The following FERMT2 variants were observed in gnomAD, a reference collection of about 807,000 sequenced individuals.
The protein encoded by FERMT2 is FERM domain containing kindlin 2.
FERMT2 carries 15 observed loss-of-function variants against 82.7 expected under a neutral mutation model. The observed-to-expected ratio is 0.18, with a 90% CI of 0.12 to 0.28. The LOEUF is 0.28. Among genes scored for constraint, FERMT2 ranks in the 10% least tolerant of loss-of-function variants. FERMT2 has a pLI of 1.00. For missense variants in FERMT2, 645 were observed against 809.4 expected (o/e 0.80, Z 2.46); for synonymous variants, 274 against 271.5 (o/e 1.01, Z -0.09).
intron 4 of FERMT2, among the ~76,000 whole-genome samples, chr14:52,882,140 C>T (rs1594944769): frequency 2.0e-5 from 3 of 152,226 alleles, no homozygotes; most frequent in East Asian, 1.9e-4. Context: ...CACAATAGAA[C>T]TGAATTCATA....
intron 4 of FERMT2, among the ~76,000 whole-genome samples, chr14:52,884,589 G>A (rs1413472594): frequency 2.0e-5 from 3 of 150,704 alleles, no homozygotes; most frequent in Non-Finnish European, 4.4e-5. Flanking sequence ...TGACAAGAGC[G>A]AAACTCCGTC....
intron 13 of FERMT2, 106 bp from the exon 14 acceptor site, chr14:52,859,820 C>CTT (rs1318328371): frequency 3.4e-3 from 1,479 of 431,874 alleles, no homozygotes; most frequent in South Asian, 5.1e-3. Flanking sequence ...GAGTACTATT[C>CTT]TTTTTTTTTT....
chr14:52,886,965 TATC>T (rs983624937), intron 4 of FERMT2, among the ~76,000 whole-genome samples: 19 of 152,322 alleles, frequency 1.2e-4, no homozygotes, highest in South Asian at 6.2e-4. Context: ...CATCAGTATG[TATC>T]ATCAAGTGAG....
At chr14:52,919,465 C>G in intron 2 of FERMT2, 109 bp from the exon 3 acceptor site, 1 of 543,888 alleles carries the variant, frequency 1.8e-6, no homozygotes, top group East Asian at 3.7e-5. Context: ...TAATTAACTA[C>G]TAAGTTACTG....
At chr14:52,906,364 G>A (rs1888012490) in intron 3 of FERMT2, among the ~76,000 whole-genome samples, 1 of 152,222 alleles carries the variant, frequency 6.6e-6, no homozygotes, top group African/African-American at 2.4e-5. Flanking sequence ...TATGACCTCA[G>A]TAATGAGGCT....
At chr14:52,921,697 G>A (rs1888965590) in intron 2 of FERMT2, among the ~76,000 whole-genome samples, 1 of 152,084 alleles carries the variant, frequency 6.6e-6, no homozygotes. Context: ...TATATAGGCT[G>A]AGCCTCCCTA....
intron 3 of FERMT2, among the ~76,000 whole-genome samples, chr14:52,902,868 C>CAAAAAAAAAAAAAAAAAAAAAAAAAAAAA (rs1252336097): frequency 1.8e-4 from 1 of 5,544 alleles, no homozygotes; most frequent in African/African-American, 5.8e-4. Context: ...GACTCCGTCT[C>CAAAAAAAAAAAAAAAAAAAAAAAAAAAAA]AAAAAAAAAA....
At chr14:52,862,725 A>T (rs1316299784) in intron 12 of FERMT2, 2 of 152,190 alleles carry the variant, frequency 1.3e-5, no homozygotes, top group Admixed American at 1.3e-4. Flanking sequence ...AGTGAGAGAA[A>T]GGAGGGTTAA....
intron 13 of FERMT2, 53 bp from the exon 14 acceptor site, chr14:52,859,767 G>T: frequency 8.9e-7 from 1 of 1,125,120 alleles, no homozygotes; most frequent in Non-Finnish European, 1.3e-6. Flanking sequence ...GGAACATGTT[G>T]GACTGCTTTT....
At chr14:52,935,596 C>A (rs944806282) in intron 2 of FERMT2, among the ~76,000 whole-genome samples, 2 of 152,176 alleles carry the variant, frequency 1.3e-5, no homozygotes, top group Admixed American at 6.6e-5. Flanking sequence ...GGAAACCAAC[C>A]ATGCTGACAT....
At chr14:52,900,472 C>A (rs567575481) in intron 3 of FERMT2, among the ~76,000 whole-genome samples, 1 of 151,850 alleles carries the variant, frequency 6.6e-6, no homozygotes, top group African/African-American at 2.4e-5. Flanking sequence ...ATATTGAATA[C>A]GTGCATTTAT....
At chr14:52,950,358 C>G (rs1003611746) in intron 2 of FERMT2, 54 bp downstream of exon 2, 3 of 1,577,264 alleles carry the variant, frequency 1.9e-6, no homozygotes, top group Non-Finnish European at 2.6e-6. Flanking sequence ...CCTCTTTCCT[C>G]CCCCTACCAA....
chr14:52,905,520 C>T (rs985360239), intron 3 of FERMT2, among the ~76,000 whole-genome samples: 3 of 152,082 alleles, frequency 2.0e-5, no homozygotes, highest in African/African-American at 4.8e-5. Context: ...GCTCCTGGAG[C>T]AGGAAGAGGT....
intron 3 of FERMT2, among the ~76,000 whole-genome samples, chr14:52,901,431 T>C (rs1340230368): frequency 6.6e-6 from 1 of 152,188 alleles, no homozygotes; most frequent in Admixed American, 6.5e-5. Flanking sequence ...TAGGTACTGC[T>C]GTGAGGAGTT....
At chr14:52,897,119 C>G (rs964637510) in intron 3 of FERMT2, among the ~76,000 whole-genome samples, 1 of 151,948 alleles carries the variant, frequency 6.6e-6, no homozygotes, top group African/African-American at 2.4e-5. Context: ...AAAATGTGTT[C>G]TTTCAGTACC....
intron 3 of FERMT2, among the ~76,000 whole-genome samples, chr14:52,903,131 C>T (rs1464426267): frequency 6.6e-6 from 1 of 151,828 alleles, no homozygotes; most frequent in East Asian, 1.9e-4. Flanking sequence ...AAAACCCTAA[C>T]CAGGCAGGGC....
intron 7 of FERMT2, 75 bp downstream of exon 7, chr14:52,878,507 A>T: frequency 1.1e-6 from 1 of 891,712 alleles, no homozygotes; most frequent in Non-Finnish European, 1.8e-6. Context: ...TGGAATTACT[A>T]TTCCACTTTA....
In FERMT2 at chr14:52,860,434, T is replaced by C; in HGVS notation, c.1634A>G (p.Asn545Ser). Residue 545 changes from asparagine to serine, a missense_variant, in exon 13 of 15, where the codon AAT becomes AGT. By Grantham distance (46) the Asn-to-Ser change is conservative. Coordinates refer to ENST00000341590, the MANE Select transcript of FERMT2 (RefSeq NM_006832.3). ...TTCAATTAGACTCATCTGAGCTACA[T>C]TCTGATGGGCCTCCAAGATTCTCGC... ...ITARILEAHQ[N>S]VAQMSLIEAK... The C allele has an allele frequency of 6.2e-7, 1 of 1,612,898 alleles. No homozygotes were observed. The highest frequency in any genetic ancestry group is 8.5e-7 in the Non-Finnish European group (1 of 1,179,120).
At chr14:52,859,469 G>T in intron 14 of FERMT2, 104 bp downstream of exon 14, 2 of 1,071,152 alleles carry the variant, frequency 1.9e-6, no homozygotes, top group Non-Finnish European at 2.6e-6. Flanking sequence ...ACTTTAAGAG[G>T]TGGTGGTACA....
Sources: gnomAD v4.1 joint callset for allele counts (sites outside exome capture counted in the v4.1 genomes callset) on GRCh38, gnomAD v4.1.1 for gene constraint, MANE v1.5 for transcripts, NCBI Gene and HGNC (gene_info 2026-07-23, HGNC 2026-07-21) for gene names.